RNPC3: variants seen among roughly 807,000 people sequenced by gnomAD.
RNPC3 encodes RNA-binding region-containing protein 3.
Under a neutral mutation model 67.5 loss-of-function variants are expected in RNPC3, and 48 were observed. The ratio of observed to expected loss-of-function variants is 0.71; its 90% CI spans 0.56 to 0.90. The LOEUF (loss-of-function observed/expected upper bound fraction) is 0.90. Ranked by LOEUF, RNPC3 falls within the 40% of genes least tolerant of loss-of-function variation. The pLI is 0.00. For synonymous variants in RNPC3, 239 were observed against 210.3 expected, an observed-to-expected ratio of 1.14 and a Z score of -1.18; for missense variants, 637 against 626.1, an observed-to-expected ratio of 1.02 and a Z score of -0.19.
chr1:103,534,391 A>G (rs1474151288), intron 3 of RNPC3, among the ~76,000 whole-genome samples: 1 of 152,048 alleles, frequency 6.6e-6, no homozygotes, highest in African/African-American at 2.4e-5. Flanking sequence ...GTAGAAGTCT[A>G]TGAGTTTTAA....
At chr1:103,533,639 T>G (rs1650913928) in intron 2 of RNPC3, 100 bp from the exon 3 acceptor site, 2 of 653,834 alleles carry the variant, frequency 3.1e-6, no homozygotes, top group Non-Finnish European at 2.6e-6. Context: ...AGGAACTGTT[T>G]ACAGCATTAG....
intron 2 of RNPC3, among the ~76,000 whole-genome samples, chr1:103,529,304 T>C (rs1004776375): frequency 6.6e-6 from 1 of 152,140 alleles, no homozygotes; most frequent in East Asian, 1.9e-4. Context: ...CATAATACAT[T>C]GTAAATAAAG....
chr1:103,538,254 C>G (rs1651042727), intron 7 of RNPC3, among the ~76,000 whole-genome samples: 1 of 152,234 alleles, frequency 6.6e-6, no homozygotes, highest in Non-Finnish European at 1.5e-5. Context: ...AAGACACCCT[C>G]TGCCTTCTTG....
chr1:103,547,038 A>G lies in RNPC3; in HGVS notation c.1361+3A>G, dbSNP rs1651262485. ...TCATCAGAAACACAGCGGATCATGT[A>G]AGTGACAGTAAAATACAATCTTCAA... On this transcript the variant is annotated splice_donor_region_variant and intron_variant, in intron 12 of 14. Coordinates refer to ENST00000423855, the MANE Select transcript of RNPC3 (RefSeq NM_017619.4). 3 of 1,465,346 alleles carry G rather than the reference A, an allele frequency of 2.0e-6. No individual in the cohort carries two copies. In the South Asian group the frequency reaches 3.9e-5, roughly 19 times the overall value. 90.8% of individuals were successfully genotyped at this position (1,465,346 alleles called of 1,614,324 possible).
At chr1:103,540,198 A>T (rs577436731) in intron 7 of RNPC3, among the ~76,000 whole-genome samples, 2 of 152,192 alleles carry the variant, frequency 1.3e-5, no homozygotes, top group African/African-American at 4.8e-5. Context: ...TTCCATGTAC[A>T]CAAACTTTAT....
At chr1:103,533,700 A>T (rs1016004877) in intron 2 of RNPC3, 39 bp from the exon 3 acceptor site, 1 of 1,095,122 alleles carries the variant, frequency 9.1e-7, no homozygotes, top group Non-Finnish European at 1.3e-6. Context: ...CATTTTTGGT[A>T]CAATTGTGAA....
intron 9 of RNPC3, among the ~76,000 whole-genome samples, chr1:103,543,709 T>G (rs1651179273): frequency 6.6e-6 from 1 of 151,766 alleles, no homozygotes; most frequent in Admixed American, 6.6e-5. Flanking sequence ...ATGTTTACAC[T>G]AAAAATATAA....
At chr1:103,536,314 A>G in intron 6 of RNPC3, 120 bp downstream of exon 6, 1 of 676,920 alleles carries the variant, frequency 1.5e-6, no homozygotes, top group Non-Finnish European at 2.6e-6. Context: ...GAACGGGTAT[A>G]AAGTAATATG....
chr1:103,548,303 T>G (rs530779430), intron 12 of RNPC3, among the ~76,000 whole-genome samples: 1 of 152,186 alleles, frequency 6.6e-6, no homozygotes, highest in African/African-American at 2.4e-5. Context: ...TTCCGAACTT[T>G]TATGCTGTGT....
intron 12 of RNPC3, among the ~76,000 whole-genome samples, chr1:103,549,149 G>T (rs1651319775): frequency 6.6e-6 from 1 of 152,154 alleles, no homozygotes; most frequent in African/African-American, 2.4e-5. Flanking sequence ...AATGTTTGGA[G>T]TTAGAATTTC....
intron 12 of RNPC3, among the ~76,000 whole-genome samples, chr1:103,548,880 A>G (rs1199691514): frequency 6.6e-6 from 1 of 152,194 alleles, no homozygotes; most frequent in Non-Finnish European, 1.5e-5. Flanking sequence ...AAGCCTCACA[A>G]TCGTGGCGGA....
chr1:103,540,056 A>G (rs1651087286), intron 7 of RNPC3, among the ~76,000 whole-genome samples: 1 of 152,128 alleles, frequency 6.6e-6, no homozygotes, highest in Non-Finnish European at 1.5e-5. Context: ...TTGTAGAGAT[A>G]GGGTTTCACC....
Position 103,537,445 on chromosome 1 carries a change from A to G in RNPC3, c.728A>G (p.Glu243Gly). ...GAGGATGAGGAATTATCTAGTGAAG[A>G]ATCAGAATATGAAAGCACTGATGAT... The part of the protein sequence containing the change: ...PDEDEELSSE[E>G]SEYESTDDED... Residue 243 changes from glutamate (E) to glycine (G), a missense_variant, in exon 7 of 15, where the codon GAA (glutamate) becomes GGA (glycine). By Grantham distance (98) the Glu-to-Gly change is moderately conservative. Transcript: ENST00000423855. 6.5e-7 allele frequency: 1 copy of G among 1,536,884 alleles called. No individual in the cohort carries two copies.
chr1:103,536,494 A>G (rs1456507704), intron 6 of RNPC3, among the ~76,000 whole-genome samples: 1 of 152,188 alleles, frequency 6.6e-6, no homozygotes, highest in Non-Finnish European at 1.5e-5. Flanking sequence ...TAAAGATTTC[A>G]TAGTTCTGGT....
chr1:103,533,507 G>A (rs923926296), intron 2 of RNPC3, among the ~76,000 whole-genome samples: 4 of 152,018 alleles, frequency 2.6e-5, no homozygotes, highest in Non-Finnish European at 5.9e-5. Flanking sequence ...CTGGGTATAA[G>A]CAGAGCTGGC....
chr1:103,551,050 C>G lies in RNPC3; in HGVS notation c.1471C>G (p.Leu491Val), dbSNP rs1317510108. 1 of 1,611,628 alleles carries G rather than the reference C, an allele frequency of 6.2e-7. No homozygotes were observed. Among genetic ancestry groups the G allele is most frequent in the Admixed American group, 1.7e-5 (1 of 59,772 alleles). The change falls in exon 13 of 15, where the codon CTT (leucine) becomes GTT (valine). Residue 491 changes from leucine (L) to valine (V), a missense_variant. Leu to Val is a conservative substitution (Grantham distance 32). This residue lies in a region of RNPC3 where 96 missense variants were observed against 105.8 expected (regional missense o/e 0.91). Coordinates refer to ENST00000423855, the MANE Select transcript of RNPC3 (RefSeq NM_017619.4). ...CTTAAAGGAAGCTAATGGATATGTG[C>G]TTTTTGGAAAACCCATGGTGGTTGT... ...KALKEANGYV[L>V]FGKPMVVQFA... is the part of the protein sequence containing the mutation.
At chr1:103,527,978 A>G (rs1322928505) in intron 2 of RNPC3, among the ~76,000 whole-genome samples, 1 of 152,242 alleles carries the variant, frequency 6.6e-6, no homozygotes, top group African/African-American at 2.4e-5. Flanking sequence ...AATGATTTAG[A>G]TTGATAAATA....
chr1:103,551,903 GGAAATACCT>G, intron 14 of RNPC3, 111 bp downstream of exon 14: 1 of 569,712 alleles, frequency 1.8e-6, no homozygotes, highest in South Asian at 2.6e-5. Flanking sequence ...TTTTTTTTGA[GGAAATACCT>G]ATCTGTGCAG....
At chr1:103,534,672 C>A in intron 3 of RNPC3, 102 bp from the exon 4 acceptor site, 10 of 538,812 alleles carry the variant, frequency 1.9e-5, no homozygotes, top group South Asian at 5.2e-5. Flanking sequence ...TTTAATGAAG[C>A]TGTTTTTATA....
Sources: gnomAD v4.1 joint callset for allele counts (sites outside exome capture counted in the v4.1 genomes callset) on GRCh38, gnomAD v4.1.1 for gene constraint, gnomAD v4.1.1 regional missense constraint, MANE v1.5 for transcripts, NCBI Gene and HGNC (gene_info 2026-07-23, HGNC 2026-07-21) for gene names.